The following PLEKHG4B variants were observed in gnomAD, a reference collection of about 807,000 sequenced individuals.
PLEKHG4B encodes the protein pleckstrin homology domain-containing family G member 4B.
Under a neutral mutation model 121.3 loss-of-function variants are expected in PLEKHG4B, and 111 were observed. That is an observed-to-expected ratio of 0.92 (90% CI 0.78 to 1.07). PLEKHG4B has a LOEUF of 1.07. PLEKHG4B is among the 50% of genes least tolerant of loss of function. PLEKHG4B has a pLI of 0.00. For missense variants in PLEKHG4B, 1,831 were observed against 1,757.8 expected (o/e 1.04, Z -0.74); for synonymous variants, 738 against 725.0 (o/e 1.02, Z -0.29).
At position 156,134 on chromosome 5, in the gene PLEKHG4B, C is replaced by T; in HGVS notation, c.2272C>T (p.Leu758Phe). Residue 758 changes from leucine (L) to phenylalanine (F), a missense_variant, in exon 10 of 20, where the codon CTT becomes TTT. Physicochemically the swap from Leu to Phe is conservative, Grantham distance 22. Coordinates refer to ENST00000637938, the MANE Select transcript of PLEKHG4B (RefSeq NM_052909.5). This position sits in a 1 kb window ranked among gnomAD's most constrained non-coding sequence, Gnocchi z 4.4. ...GAAGCTTGTCCTGGAAGACCCACTG[C>T]TTGTGTCTCTCAGGCTGGAGGGGGG... ...MMKLVLEDPLLVSLRLEGGTV... is the reference protein window; with the variant it reads ...MMKLVLEDPLFVSLRLEGGTV... 14 of 1,597,994 alleles carry T rather than the reference C, an allele frequency of 8.8e-6. No homozygotes were observed. Among genetic ancestry groups the T allele is most frequent in the Non-Finnish European group, 1.1e-5 (13 of 1,172,342 alleles).
chr5:128,959 A>G (rs974783184), intron 2 of PLEKHG4B, among the ~76,000 whole-genome samples: 1 of 152,228 alleles, frequency 6.6e-6, no homozygotes, highest in East Asian at 1.9e-4. Flanking sequence ...CAGCATTAGT[A>G]TTAAAATAGA....
chr5:103,556 A>T (rs1324907740), intron 1 of PLEKHG4B, among the ~76,000 whole-genome samples: 2 of 152,226 alleles, frequency 1.3e-5, no homozygotes, highest in African/African-American at 4.8e-5. Context: ...ACTTTGCAGA[A>T]TTCCTGCCAG....
chr5:186,129 C>G lies in PLEKHG4B; in HGVS notation c.*3806C>G, dbSNP rs1342449438. The G allele has an allele frequency of 6.6e-6, 1 of 152,158 alleles. No homozygotes were observed. Among genetic ancestry groups the G allele is most frequent in the Non-Finnish European group, 1.5e-5 (1 of 68,026 alleles). 9.4% of individuals were successfully genotyped at this position (152,158 alleles called of 1,614,324 possible). On this transcript the variant is annotated 3_prime_UTR_variant, in exon 20 of 20. Transcript: ENST00000637938. ...CTCATTTTCTGTTTTTTGAGTTTCT[C>G]GTGCACTCCAAACTGTCCTGGAGCC...
chr5:172,649 G>T (rs72720470), intron 16 of PLEKHG4B, among the ~76,000 whole-genome samples: 12,267 of 152,318 alleles, frequency 0.081, 557 homozygotes, highest in Non-Finnish European at 0.094. Context: ...GGCCCAGAGG[G>T]TCAAACGGGA....
chr5:139,627 T>C lies in PLEKHG4B; in HGVS notation c.388T>C (p.Ser130Pro), dbSNP rs760660913. The C allele has an allele frequency of 3.9e-4, 155 of 398,618 alleles. 1 individual carries two copies. The highest frequency in any genetic ancestry group is 1.2e-4 in the Non-Finnish European group (28 of 226,050). 24.7% of individuals were successfully genotyped at this position (398,618 alleles called of 1,614,324 possible). A position where few individuals can be genotyped will look rare whatever the true frequency, so the allele number is the denominator to read the frequency against. ...GCAGGTCACGTCGGCGGGGAAGCAG[T>C]CAGCTAGACTGGTCTTGAAATGCCT... ...YLQVTSAGKQSARLVLKCLSR... is the reference protein window; with the variant it reads ...YLQVTSAGKQPARLVLKCLSR... Residue 130 changes from serine to proline, a missense_variant, in exon 3 of 20, where the codon TCA becomes CCA. By Grantham distance (74) the Ser-to-Pro change is moderately conservative. Coordinates refer to ENST00000637938, the MANE Select transcript of PLEKHG4B (RefSeq NM_052909.5). This position sits in a 1 kb window ranked among gnomAD's most constrained non-coding sequence, Gnocchi z 5.0.
intron 1 of PLEKHG4B, among the ~76,000 whole-genome samples, chr5:95,995 A>G (rs1387619938): frequency 6.6e-6 from 1 of 152,228 alleles, no homozygotes. Flanking sequence ...AGGTAGTGAC[A>G]TACTTCCCTG....
At chr5:177,997 G>C (rs942232129) in intron 18 of PLEKHG4B, among the ~76,000 whole-genome samples, 1 of 151,308 alleles carries the variant, frequency 6.6e-6, no homozygotes, top group African/African-American at 2.5e-5. Flanking sequence ...CGTGTGCCTA[G>C]GAAGTTGTAG....
At chr5:147,314 A>G (rs1361008515) in intron 6 of PLEKHG4B, among the ~76,000 whole-genome samples, 1 of 152,260 alleles carries the variant, frequency 6.6e-6, no homozygotes, top group African/African-American at 2.4e-5. Flanking sequence ...AAGGCCTCCA[A>G]GAAAGGAACA....
intron 2 of PLEKHG4B, among the ~76,000 whole-genome samples, chr5:129,557 A>G (rs1734715757): frequency 6.6e-6 from 1 of 152,226 alleles, no homozygotes; most frequent in Admixed American, 6.5e-5. Context: ...TCAGGCACAC[A>G]TTCTCAGGAT....
At chr5:94,556 G>C (rs1733574250) in intron 1 of PLEKHG4B, among the ~76,000 whole-genome samples, 1 of 142,478 alleles carries the variant, frequency 7.0e-6, no homozygotes, top group South Asian at 2.1e-4. Flanking sequence ...TGGGCAGGGG[G>C]AGAGTGAAGA....
At chr5:162,644 G>A in intron 12 of PLEKHG4B, 78 bp from the exon 13 acceptor site, 1 of 1,100,266 alleles carries the variant, frequency 9.1e-7, no homozygotes, top group Non-Finnish European at 1.2e-6. Flanking sequence ...AGGCTGACCT[G>A]GGGAACAGCA....
intron 18 of PLEKHG4B, among the ~76,000 whole-genome samples, chr5:177,654 GC>G (rs752558703): frequency 9.9e-5 from 15 of 152,182 alleles, no homozygotes; most frequent in Non-Finnish European, 1.8e-4. Context: ...ATTTAAAAAG[GC>G]TTTTAGAGCG....
In PLEKHG4B at chr5:168,822, A is replaced by AGT. The variant is rs202211174; in HGVS notation, c.3477-517_3477-516dup. Among the ~76,000 whole-genome samples, 1,206 of 150,064 alleles carry AGT rather than the reference A, an allele frequency of 8.0e-3. 19 individuals carry two copies. Among genetic ancestry groups the AGT allele is most frequent in the African/African-American group, 0.028 (1,147 of 40,754 alleles). On this transcript the variant is annotated intron_variant, in intron 13 of 19. Transcript: ENST00000637938. ...GAGAGAATGAGTGGAGGTGCAGGTG[A>AGT]GTCGCTCCTTGCTGAGGATGTGCAG...
chr5:102,208 A>C (rs1733841803), intron 1 of PLEKHG4B, among the ~76,000 whole-genome samples: 1 of 152,214 alleles, frequency 6.6e-6, no homozygotes, highest in South Asian at 2.1e-4. Context: ...TAGTAGGGAA[A>C]GACTGTTGTG....
chr5:140,560 G>T lies in PLEKHG4B; in HGVS notation c.1321G>T (p.Glu441Ter). The change falls in exon 3 of 20, where the codon GAA (glutamate) becomes TAA (stop). Residue 441 changes from glutamate (E) to a stop codon, truncating the protein, a stop_gained. Coordinates refer to ENST00000637938, the MANE Select transcript of PLEKHG4B (RefSeq NM_052909.5). LOFTEE classifies it high-confidence loss of function. ...TCTTCCCAGGAGATCTCGGTCCTGG[G>T]AAAGGGCACCCAGAAGCTCCAGAGG... Reference protein sequence around the residue: ...RTLPRRSRSWERAPRSSRGAQ... With the variant: ...RTLPRRSRSW 6.2e-7 allele frequency: 1 copy of T among 1,607,362 alleles called. No individual in the cohort carries two copies. Among genetic ancestry groups the T allele is most frequent in the East Asian group, 2.2e-5 (1 of 44,682 alleles).
chr5:171,172 C>T (rs766946069), intron 15 of PLEKHG4B, 40 bp downstream of exon 15: 1 of 1,606,200 alleles, frequency 6.2e-7, no homozygotes, highest in East Asian at 2.2e-5. Flanking sequence ...CTGCCCGGCC[C>T]TCAGCCAGGC....
At chr5:164,448 G>A (rs1378320538) in intron 13 of PLEKHG4B, among the ~76,000 whole-genome samples, 1 of 127,280 alleles carries the variant, frequency 7.9e-6, no homozygotes, top group Non-Finnish European at 1.6e-5. Context: ...GTGACAGGGG[G>A]CGGGGCTCAC....
chr5:139,219 C>G lies in PLEKHG4B; in HGVS notation c.244-264C>G, dbSNP rs750280774. ...TGGCCCTCGAGTGGCCTCCTCTCCC[C>G]TGTCCTGCCCACCTACCCCCAGCCT... On this transcript the variant is annotated intron_variant, in intron 2 of 19. Coordinates refer to ENST00000637938, the MANE Select transcript of PLEKHG4B (RefSeq NM_052909.5). The surrounding 1 kb of genome is among the most constrained non-coding windows in gnomAD (Gnocchi z 5.0). 6.6e-6 allele frequency among the ~76,000 whole-genome samples: 1 copy of G among 152,230 alleles called. No individual in the cohort carries two copies. Among genetic ancestry groups the G allele is most frequent in the Non-Finnish European group, 1.5e-5 (1 of 68,034 alleles).
intron 2 of PLEKHG4B, among the ~76,000 whole-genome samples, chr5:115,551 T>C (rs1285321665): frequency 1.3e-5 from 2 of 152,230 alleles, no homozygotes; most frequent in East Asian, 3.8e-4. Flanking sequence ...AGACAGCATC[T>C]TCTTCCAATA....
Sources: gnomAD v4.1 joint callset for allele counts (sites outside exome capture counted in the v4.1 genomes callset) on GRCh38, gnomAD v4.1.1 for gene constraint, Gnocchi (gnomAD v3.1) non-coding constraint, MANE v1.5 for transcripts, NCBI Gene and HGNC (gene_info 2026-07-23, HGNC 2026-07-21) for gene names.